GRID1: variants seen among roughly 807,000 people sequenced by gnomAD.
The protein encoded by GRID1 is glutamate receptor ionotropic, delta-1.
GRID1 carries 28 observed loss-of-function variants against 98.0 expected under a neutral mutation model. That is an observed-to-expected ratio of 0.29 (90% CI 0.21 to 0.39). The LOEUF (loss-of-function observed/expected upper bound fraction) is 0.39, where lower values mean the gene tolerates loss of function less well. Among genes scored for constraint, GRID1 ranks in the 10% least tolerant of loss-of-function variants. GRID1 has a pLI of 1.00. For synonymous variants in GRID1, 553 were observed against 538.5 expected (o/e 1.03, Z -0.37); for missense variants, 1,111 against 1,340.5 (o/e 0.83, Z 2.67).
rs79775603 is a variant in GRID1, at chr10:86,082,032, G to A, written c.726+56787C>T. On this transcript the variant is annotated intron_variant, in intron 4 of 15. Transcript: ENST00000327946. The stretch of plus-strand genomic sequence containing the variant: ...AGAATGTACAGATATTGCTTTATTG[G>A]TTGTAACAATTATACCACATTAATT... Among the ~76,000 whole-genome samples the A allele has an allele frequency of 4.1e-3, 630 of 152,300 alleles. 5 individuals are homozygous for A. The highest frequency in any genetic ancestry group is 0.014 in the African/African-American group (602 of 41,552).
intron 12 of GRID1, among the ~76,000 whole-genome samples, chr10:85,696,484 G>T (rs892570765): frequency 6.6e-6 from 1 of 152,068 alleles, no homozygotes; most frequent in Non-Finnish European, 1.5e-5. Context: ...TGTTCAAGGA[G>T]CATACAGAAG....
At chr10:85,686,063 G>A (rs1841265617) in intron 12 of GRID1, among the ~76,000 whole-genome samples, 1 of 152,054 alleles carries the variant, frequency 6.6e-6, no homozygotes, top group African/African-American at 2.4e-5. Context: ...ATAAGAAGCT[G>A]ATTTTCAATA....
rs147621421 is a variant in GRID1 at position 86,192,230 on chromosome 10, T to C, written c.520+14134A>G. Among the ~76,000 whole-genome samples the C allele has an allele frequency of 3.8e-3, 573 of 152,076 alleles. 6 individuals are homozygous for C. Among genetic ancestry groups the C allele is most frequent in the African/African-American group, 0.013 (533 of 41,492 alleles). Reference sequence around the variant, plus strand: ...CACATGGAGGCTCCAAGAGACGACATTCCTCTCCCAACACCCTCAGAAAGC... The same window carrying C: ...CACATGGAGGCTCCAAGAGACGACACTCCTCTCCCAACACCCTCAGAAAGC... On this transcript the variant is annotated intron_variant, in intron 3 of 15. Coordinates refer to ENST00000327946, the MANE Select transcript of GRID1 (RefSeq NM_017551.3). The surrounding 1 kb of genome is among the most constrained non-coding windows in gnomAD (Gnocchi z 4.8).
intron 8 of GRID1, among the ~76,000 whole-genome samples, chr10:85,731,113 T>C (rs1006409876): frequency 5.9e-5 from 9 of 152,082 alleles, no homozygotes; most frequent in East Asian, 1.9e-4. Flanking sequence ...TATAAGGCCA[T>C]AGAACCTGAG....
intron 12 of GRID1, among the ~76,000 whole-genome samples, chr10:85,694,283 G>A (rs1035538900): frequency 6.6e-6 from 1 of 151,906 alleles, no homozygotes; most frequent in African/African-American, 2.4e-5. Context: ...ACATGTTGGG[G>A]AGCATGTGGA....
chr10:85,696,790 T>C (rs1381833298), intron 12 of GRID1, among the ~76,000 whole-genome samples: 1 of 152,090 alleles, frequency 6.6e-6, no homozygotes, highest in Non-Finnish European at 1.5e-5. Context: ...TTTAAAGCTA[T>C]AAACTTTCCT....
intron 4 of GRID1, among the ~76,000 whole-genome samples, chr10:85,991,678 G>A (rs1372929417): frequency 6.6e-6 from 1 of 152,182 alleles, no homozygotes; most frequent in Non-Finnish European, 1.5e-5. Flanking sequence ...TCACCAAGGT[G>A]GCAAGGAAGA....
In GRID1 at chr10:85,634,291, T is replaced by TCTCTCA. The variant is rs1162030685; in HGVS notation, c.2193+12910_2193+12911insTGAGAG. ...CTCTCTCTCTCTCTCTCTCTCTCTC[T>TCTCTCA]CACACACACACACACACACACACAG... On this transcript the variant is annotated intron_variant, in intron 13 of 15. Coordinates refer to ENST00000327946, the MANE Select transcript of GRID1 (RefSeq NM_017551.3). 1.5e-3 allele frequency among the ~76,000 whole-genome samples: 153 copies of TCTCTCA among 102,948 alleles called. 1 individual carries two copies. The highest frequency in any genetic ancestry group is 7.6e-3 in the East Asian group (33 of 4,368). The allele number at this position is 102,948 out of a possible 152,430, so 67.5% of individuals were successfully genotyped here. A position where few individuals can be genotyped will look rare whatever the true frequency, so the allele number is the denominator to read the frequency against.
intron 8 of GRID1, among the ~76,000 whole-genome samples, chr10:85,782,684 G>T (rs1023164282): frequency 6.6e-6 from 1 of 152,250 alleles, no homozygotes; most frequent in Admixed American, 6.5e-5. Context: ...AGCAGCGAGT[G>T]CAAAGGCCCT....
intron 8 of GRID1, among the ~76,000 whole-genome samples, chr10:85,818,153 C>T (rs1842732596): frequency 1.3e-5 from 2 of 152,086 alleles, no homozygotes; most frequent in African/African-American, 2.4e-5. Flanking sequence ...ATAATGGAAG[C>T]CAACTTTCTC....
At chr10:86,147,769 T>G (rs1188922258) in intron 3 of GRID1, among the ~76,000 whole-genome samples, 1 of 152,234 alleles carries the variant, frequency 6.6e-6, no homozygotes, top group Non-Finnish European at 1.5e-5. Flanking sequence ...GAGCATGCCT[T>G]TTATCTGCAA....
intron 10 of GRID1, among the ~76,000 whole-genome samples, chr10:85,725,166 C>T (rs554457545): frequency 6.6e-6 from 1 of 152,302 alleles, no homozygotes; most frequent in South Asian, 2.1e-4. Flanking sequence ...TTTTCTAAAA[C>T]ACTTCAGAAG....
chr10:85,675,101 C>T (rs1841129579), intron 12 of GRID1, among the ~76,000 whole-genome samples: 1 of 152,104 alleles, frequency 6.6e-6, no homozygotes, highest in Admixed American at 6.5e-5. Flanking sequence ...AAAACATTTC[C>T]TCTTAGGAAA....
intron 12 of GRID1, among the ~76,000 whole-genome samples, chr10:85,670,008 T>C (rs1487289302): frequency 1.3e-5 from 2 of 152,242 alleles, no homozygotes; most frequent in Non-Finnish European, 2.9e-5. Context: ...AAAAATGTGG[T>C]ACAAATATGT....
At chr10:86,220,596 G>C (rs886148784) in intron 2 of GRID1, among the ~76,000 whole-genome samples, 3 of 152,144 alleles carry the variant, frequency 2.0e-5, no homozygotes, top group African/African-American at 7.2e-5. Context: ...TCAGACGCCT[G>C]GGCATGTCCA....
intron 4 of GRID1, among the ~76,000 whole-genome samples, chr10:85,933,338 C>CACAG (rs1806617919): frequency 7.1e-6 from 1 of 141,102 alleles, no homozygotes; most frequent in African/African-American, 2.7e-5. Flanking sequence ...GGGGTATATA[C>CACAG]ACAGGCTTGT....
At chr10:86,239,987 T>TACAC (rs2132041203) in intron 2 of GRID1, among the ~76,000 whole-genome samples, 2 of 152,190 alleles carry the variant, frequency 1.3e-5, no homozygotes, top group Admixed American at 1.3e-4. Context: ...AGGACACAGG[T>TACAC]ACACACAGAG....
At chr10:85,662,358 G>A (rs1376739706) in intron 12 of GRID1, among the ~76,000 whole-genome samples, 1 of 152,190 alleles carries the variant, frequency 6.6e-6, no homozygotes. Flanking sequence ...AAGGACCAGA[G>A]GGTGCTTGGC....
At chr10:86,120,468 G>A (rs1844649279) in intron 4 of GRID1, among the ~76,000 whole-genome samples, 1 of 152,194 alleles carries the variant, frequency 6.6e-6, no homozygotes, top group African/African-American at 2.4e-5. Flanking sequence ...GGACAGACAA[G>A]TGCTCTCACC....
Sources: allele counts gnomAD v4.1 joint callset (sites outside exome capture counted in the v4.1 genomes callset), GRCh38; gene constraint gnomAD v4.1.1; non-coding constraint Gnocchi (gnomAD v3.1); transcripts MANE v1.5; gene names NCBI Gene and HGNC (gene_info 2026-07-23, HGNC 2026-07-21).